Variants in CDK14 observed in about 807,000 individuals in gnomAD.
CDK14 encodes the protein cyclin-dependent kinase 14.
Under a neutral mutation model 60.7 loss-of-function variants are expected in CDK14, and 34 were observed. The observed-to-expected ratio is 0.56, with a 90% confidence interval of 0.43 to 0.75. The LOEUF (loss-of-function observed/expected upper bound fraction) is 0.75. Among genes scored for constraint, CDK14 ranks in the 30% least tolerant of loss-of-function variants. CDK14 has a pLI of 0.00. For synonymous variants in CDK14, 197 were observed against 203.7 expected (o/e 0.97, Z 0.28); for missense variants, 482 against 564.1 (o/e 0.85, Z 1.47).
intron 5 of CDK14, among the ~76,000 whole-genome samples, chr7:90,834,501 A>G (rs1790026394): frequency 6.6e-6 from 1 of 152,180 alleles, no homozygotes; most frequent in Non-Finnish European, 1.5e-5. Flanking sequence ...AAGCCACTGG[A>G]GTAATTGGGA....
At chr7:91,161,561 T>C (rs977961575) in intron 14 of CDK14, among the ~76,000 whole-genome samples, 10 of 152,218 alleles carry the variant, frequency 6.6e-5, no homozygotes, top group African/African-American at 2.2e-4. Flanking sequence ...ATTTTAAAAA[T>C]GGCTGCGGAG....
chr7:90,988,358 A>G (rs1437526259), intron 10 of CDK14, among the ~76,000 whole-genome samples: 2 of 152,162 alleles, frequency 1.3e-5, no homozygotes, highest in Non-Finnish European at 2.9e-5. Flanking sequence ...ATTTTGATGA[A>G]TTATATTCAA....
chr7:91,087,702 A>G (rs1798680249), intron 12 of CDK14, among the ~76,000 whole-genome samples: 2 of 152,148 alleles, frequency 1.3e-5, no homozygotes, highest in African/African-American at 2.4e-5. Context: ...GCTCCGAATA[A>G]GCAATTACTC....
intron 9 of CDK14, among the ~76,000 whole-genome samples, chr7:90,963,737 A>T (rs576368543): frequency 7.6e-5 from 8 of 105,450 alleles, no homozygotes; most frequent in Admixed American, 6.8e-4. Context: ...TTTTTTTGAG[A>T]CGGAGTCTTA....
chr7:91,148,712 T>A (rs994014050), intron 14 of CDK14, among the ~76,000 whole-genome samples: 1 of 152,144 alleles, frequency 6.6e-6, no homozygotes, highest in Admixed American at 6.5e-5. Flanking sequence ...CCCTGGGAAA[T>A]CCTGAGAGGG....
At chr7:90,635,542 T>A (rs1800122689) in intron 2 of CDK14, among the ~76,000 whole-genome samples, 1 of 152,234 alleles carries the variant, frequency 6.6e-6, no homozygotes, top group Non-Finnish European at 1.5e-5. Flanking sequence ...TGTAGCCTTG[T>A]AGTATAGTTT....
intron 4 of CDK14, among the ~76,000 whole-genome samples, chr7:90,769,327 T>C (rs985494284): frequency 3.9e-5 from 6 of 152,170 alleles, no homozygotes; most frequent in Admixed American, 2.6e-4. Context: ...CCCCTGAAGC[T>C]AGGTAGTTTA....
intron 2 of CDK14, among the ~76,000 whole-genome samples, chr7:90,641,478 A>T (rs945426646): frequency 6.6e-6 from 1 of 152,228 alleles, no homozygotes; most frequent in Non-Finnish European, 1.5e-5. Flanking sequence ...CTGCAACATG[A>T]GTGAACTTTG....
intron 9 of CDK14, among the ~76,000 whole-genome samples, chr7:90,968,766 GTGTTTGTTTTTGT>G (rs1183802577): frequency 6.6e-6 from 1 of 151,372 alleles, no homozygotes; most frequent in Non-Finnish European, 1.5e-5. Context: ...GAAATTAGAG[GTGTTTGTTTTTGT>G]TGTTTGTTTT....
intron 4 of CDK14, among the ~76,000 whole-genome samples, chr7:90,768,779 A>G (rs947915242): frequency 6.6e-6 from 1 of 152,226 alleles, no homozygotes; most frequent in African/African-American, 2.4e-5. Context: ...TTTTAAAATC[A>G]TGGTAAAACG....
chr7:91,146,989 G>A (rs571913437), intron 14 of CDK14, among the ~76,000 whole-genome samples: 88 of 152,074 alleles, frequency 5.8e-4, no homozygotes, highest in Admixed American at 1.2e-3. Context: ...GCAGGATGTC[G>A]TAATCAAACT....
chr7:90,895,162 T>C (rs1792255096), intron 6 of CDK14, among the ~76,000 whole-genome samples: 3 of 152,152 alleles, frequency 2.0e-5, no homozygotes, highest in Non-Finnish European at 4.4e-5. Flanking sequence ...TTTTTAGTTA[T>C]AGCCCTTCCT....
At chr7:91,013,656 G>GTTTTTT (rs56934476) in intron 10 of CDK14, among the ~76,000 whole-genome samples, 10 of 123,378 alleles carry the variant, frequency 8.1e-5, no homozygotes, top group Admixed American at 1.7e-4. Flanking sequence ...CATTGCCTCT[G>GTTTTTT]TTTTTTTTTT....
intron 10 of CDK14, among the ~76,000 whole-genome samples, chr7:91,026,869 C>G (rs1796586806): frequency 6.6e-6 from 1 of 152,196 alleles, no homozygotes; most frequent in Non-Finnish European, 1.5e-5. Context: ...TATAAATTCT[C>G]TGTCTAAACT....
rs565711004 is a variant in CDK14, at chr7:90,810,771, CAGG to C, written c.544+20121_544+20123del. ...CTGATAAGCAACTTCAGCAAAGTCT[CAGG>C]ATACAAAATCAATGTACAAAAATCA... On this transcript the variant is annotated intron_variant, in intron 5 of 14. Coordinates refer to ENST00000380050, the MANE Select transcript of CDK14 (RefSeq NM_001287135.2). Among the ~76,000 whole-genome samples the C allele has an allele frequency of 1.1e-3, 172 of 152,066 alleles. 1 individual carries two copies. Among genetic ancestry groups the C allele is most frequent in the Middle Eastern group, 0.01 (3 of 294 alleles).
chr7:90,629,474 C>T (rs1234751829), intron 2 of CDK14, among the ~76,000 whole-genome samples: 1 of 152,078 alleles, frequency 6.6e-6, no homozygotes, highest in African/African-American at 2.4e-5. Context: ...TTTTAGGATG[C>T]CTTTATTCAG....
intron 10 of CDK14, among the ~76,000 whole-genome samples, chr7:91,006,170 A>G (rs1279245997): frequency 6.6e-6 from 1 of 152,244 alleles, no homozygotes; most frequent in Non-Finnish European, 1.5e-5. Context: ...AATTAGCATA[A>G]GCATGCTTAT....
chr7:90,971,893 A>G (rs1487387570), intron 9 of CDK14, among the ~76,000 whole-genome samples: 1 of 152,192 alleles, frequency 6.6e-6, no homozygotes, highest in African/African-American at 2.4e-5. Flanking sequence ...TTGCTGATGT[A>G]GATCCTAGTA....
chr7:90,984,868 A>C (rs532700314), intron 10 of CDK14, among the ~76,000 whole-genome samples: 3 of 152,190 alleles, frequency 2.0e-5, no homozygotes, highest in Middle Eastern at 3.2e-3. Context: ...AAAATACATG[A>C]CTGGTAGTCT....
Sources: allele counts gnomAD v4.1 joint callset (sites outside exome capture counted in the v4.1 genomes callset), GRCh38; gene constraint gnomAD v4.1.1; transcripts MANE v1.5; gene names NCBI Gene and HGNC (gene_info 2026-07-23, HGNC 2026-07-21).